The following TENM2 variants were observed in gnomAD, a reference collection of about 807,000 sequenced individuals.
TENM2 encodes the protein teneurin transmembrane protein 2.
A neutral mutation model predicts 245.2 loss-of-function variants in TENM2; 52 were observed. That is an observed-to-expected ratio of 0.21 (90% CI 0.17 to 0.27). The LOEUF (loss-of-function observed/expected upper bound fraction) is 0.27. Among genes scored for constraint, TENM2 ranks in the 10% least tolerant of loss-of-function variants. The pLI is 1.00. For missense variants in TENM2, 3,046 were observed against 3,666.8 expected (o/e 0.83, Z 4.37); for synonymous variants, 1,363 against 1,438.9 (o/e 0.95, Z 1.19).
intron 1 of TENM2, among the ~76,000 whole-genome samples, chr5:167,364,799 C>T (rs929073622): frequency 3.0e-4 from 45 of 149,530 alleles, no homozygotes; most frequent in African/African-American, 7.9e-4. Flanking sequence ...AGTTTTACAG[C>T]GAGAAAGAGA....
chr5:167,088,535 G>T, the TENM2 span, among the ~76,000 whole-genome samples: 9 of 152,070 alleles, frequency 5.9e-5, no homozygotes, highest in South Asian at 1.5e-3. Flanking sequence ...GCTGAGGCAG[G>T]AGACTCGCTT....
chr5:167,678,897 G>T (rs1465895430), intron 2 of TENM2, among the ~76,000 whole-genome samples: 1 of 152,018 alleles, frequency 6.6e-6, no homozygotes, highest in Admixed American at 6.6e-5. Flanking sequence ...CTGTTGCAGA[G>T]AATGTTTCCC....
chr5:167,716,789 GA>G (rs1159832977), intron 2 of TENM2, among the ~76,000 whole-genome samples: 3 of 151,066 alleles, frequency 2.0e-5, no homozygotes, highest in South Asian at 2.1e-4. Context: ...AATCCGAAGG[GA>G]AAAAAAATCA....
At chr5:167,319,182 G>A (rs1756563360) in intron 1 of TENM2, among the ~76,000 whole-genome samples, 1 of 152,176 alleles carries the variant, frequency 6.6e-6, no homozygotes, top group Non-Finnish European at 1.5e-5. Context: ...TTTCACTGTT[G>A]TAGAATGTCT....
At chr5:167,004,759 C>T in the TENM2 span, among the ~76,000 whole-genome samples, 426 of 152,148 alleles carry the variant, frequency 2.8e-3, 2 homozygotes, top group African/African-American at 9.6e-3. Context: ...TTAGGCAGTA[C>T]GCTCCACTGG....
chr5:168,224,461 T>G (rs1036584493), intron 23 of TENM2, among the ~76,000 whole-genome samples: 6 of 152,222 alleles, frequency 3.9e-5, no homozygotes, highest in Admixed American at 1.3e-4. Context: ...GAAGCAAAGT[T>G]TCTCAGATCC....
the TENM2 span, among the ~76,000 whole-genome samples, chr5:167,080,574 C>T: frequency 1.3e-5 from 2 of 152,022 alleles, no homozygotes; most frequent in Non-Finnish European, 2.9e-5. Flanking sequence ...CTCACAGCTG[C>T]TCCTGTGATT....
chr5:167,263,891 G>A, the TENM2 span, among the ~76,000 whole-genome samples: 7 of 152,074 alleles, frequency 4.6e-5, no homozygotes, highest in African/African-American at 1.7e-4. Flanking sequence ...ATCACTTGAG[G>A]TCAGGAGTTT....
intron 3 of TENM2, among the ~76,000 whole-genome samples, chr5:167,918,754 TG>T (rs1168248975): frequency 2.0e-5 from 3 of 150,172 alleles, no homozygotes; most frequent in African/African-American, 2.5e-5. Context: ...GCAGTTCGTT[TG>T]GGATTGGATA....
chr5:168,040,790 G>A (rs1005104275), intron 5 of TENM2, among the ~76,000 whole-genome samples: 17 of 152,142 alleles, frequency 1.1e-4, no homozygotes, highest in African/African-American at 3.4e-4. Context: ...AAGAGGCACT[G>A]CACTCAACTG....
chr5:167,463,500 TA>T (rs1461263179), intron 2 of TENM2, among the ~76,000 whole-genome samples: 1 of 123,450 alleles, frequency 8.1e-6, no homozygotes, highest in Non-Finnish European at 1.9e-5. Context: ...ATATTTATTT[TA>T]TTTTATTTTT....
chr5:167,098,025 C>T, the TENM2 span, among the ~76,000 whole-genome samples: 7 of 152,134 alleles, frequency 4.6e-5, no homozygotes, highest in South Asian at 2.1e-4. Flanking sequence ...TTTTTTCCTC[C>T]GAGTTTATGT....
At chr5:167,386,860 A>G (rs944203195) in intron 2 of TENM2, among the ~76,000 whole-genome samples, 6 of 151,950 alleles carry the variant, frequency 3.9e-5, no homozygotes, top group African/African-American at 2.4e-5. Flanking sequence ...ATTCTGTCCC[A>G]TTTTTATATA....
At chr5:167,010,567 TA>T in the TENM2 span, among the ~76,000 whole-genome samples, 1 of 152,196 alleles carries the variant, frequency 6.6e-6, no homozygotes, top group African/African-American at 2.4e-5. Flanking sequence ...AAAAACTGTA[TA>T]AAGATATCCT....
At chr5:167,894,588 T>A (rs949990660) in intron 3 of TENM2, among the ~76,000 whole-genome samples, 3 of 152,162 alleles carry the variant, frequency 2.0e-5, no homozygotes, top group Admixed American at 2.0e-4. Flanking sequence ...GGTCATTCAC[T>A]ATACTCAAAT....
intron 2 of TENM2, chr5:167,728,586 A>G (rs1042231086): frequency 3.9e-5 from 6 of 152,208 alleles, no homozygotes; most frequent in African/African-American, 1.2e-4. Context: ...CCTGGGTGAC[A>G]GTGAAACCCT....
chr5:167,358,960 G>A (rs780379775), intron 1 of TENM2, among the ~76,000 whole-genome samples: 7 of 151,370 alleles, frequency 4.6e-5, no homozygotes, highest in Non-Finnish European at 5.9e-5. Context: ...CACACCCTGC[G>A]TGTAATCCAT....
At chr5:167,312,614 A>T (rs1246141594) in intron 1 of TENM2, among the ~76,000 whole-genome samples, 1 of 152,056 alleles carries the variant, frequency 6.6e-6, no homozygotes, top group East Asian at 1.9e-4. Flanking sequence ...AAAAGAAATG[A>T]TTTCTGATTC....
chr5:167,886,489 T>C (rs1420717899), intron 3 of TENM2, among the ~76,000 whole-genome samples: 1 of 152,186 alleles, frequency 6.6e-6, no homozygotes, highest in African/African-American at 2.4e-5. Flanking sequence ...CTGCATCTTT[T>C]ATAGTAAGAA....
Sources: gnomAD v4.1 joint callset for allele counts (sites outside exome capture counted in the v4.1 genomes callset) on GRCh38, gnomAD v4.1.1 for gene constraint, MANE v1.5 for transcripts, NCBI Gene and HGNC (gene_info 2026-07-23, HGNC 2026-07-21) for gene names.